The following PKD1 variants were observed in gnomAD, a reference collection of about 807,000 sequenced individuals.
PKD1 encodes polycystin-1.
Under a neutral mutation model 361.7 loss-of-function variants are expected in PKD1, and 81 were observed. That is an observed-to-expected ratio of 0.22 (90% CI 0.19 to 0.27). PKD1 has a LOEUF of 0.27. Among genes scored for constraint, PKD1 ranks in the 10% least tolerant of loss-of-function variants. PKD1 has a pLI of 1.00. For synonymous variants in PKD1, 3,615 were observed against 2,818.3 expected (o/e 1.28, Z -8.95); for missense variants, 6,399 against 6,118.3 (o/e 1.05, Z -1.53).
intron 1 of PKD1, chr16:2,123,326 C>G: frequency 2.9e-6 from 1 of 345,894 alleles, no homozygotes; most frequent in South Asian, 2.1e-5. Flanking sequence ...GTGCAGTCCC[C>G]CAGCCCCCAG....
chr16:2,106,100 G>A lies in PKD1; in HGVS notation c.7694C>T (p.Ala2565Val), dbSNP rs774163518. 1 of 1,605,528 alleles carries A rather than the reference G, an allele frequency of 6.2e-7. No homozygotes were observed. Among genetic ancestry groups the A allele is most frequent in the Non-Finnish European group, 8.5e-7 (1 of 1,176,484 alleles). ...CCACGGCCTGGCTCACCTGTTGAGG[G>A]CGACCACAGCGGCTCCCAGCTGGTC... ...VQDQLGAAVV[A>V]LNRSLAITLP... The change falls in exon 19 of 46, where the codon GCC becomes GTC. Residue 2565 changes from alanine (A) to valine (V), a missense_variant. Transcript: ENST00000262304. This position sits in a 1 kb window ranked among gnomAD's most constrained non-coding sequence, Gnocchi z 6.5.
chr16:2,102,954 C>T lies in PKD1; in HGVS notation c.8808G>A (p.Glu2936=), dbSNP rs1467917972. The part of the protein sequence containing the change: ...YTLLDGHYLS[E]EPEPYLAVYL... The stretch of plus-strand genomic sequence containing the variant: ...AGACTGCCAGGTAGGGCTCAGGTTC[C>T]TCAGACAGGTAGTGGCCTGGGGCAG... The change falls in exon 24 of 46, where the codon GAG becomes GAA. Residue 2936 remains glutamate, a synonymous_variant. Coordinates refer to ENST00000262304, the MANE Select transcript of PKD1 (RefSeq NM_001009944.3). 1.2e-6 allele frequency: 2 copies of T among 1,606,362 alleles called. No homozygotes were observed. Among genetic ancestry groups the T allele is most frequent in the South Asian group, 1.1e-5 (1 of 90,994 alleles).
Position 2,092,474 on chromosome 16 carries a change from G to A in PKD1, c.11269+6C>T, listed in dbSNP as rs1415153280. 14 of 1,578,798 alleles carry A rather than the reference G, an allele frequency of 8.9e-6. No individual in the cohort carries two copies. The highest frequency in any genetic ancestry group is 6.7e-5 in the Admixed American group (4 of 59,854). On this transcript the variant is annotated splice_donor_region_variant and intron_variant, in intron 39 of 45. Transcript: ENST00000262304. ...TTAAGTCTTGGGGCACGCCCTGCCAGCTCACCTTCCTGCAGCCGCACCTGC... is the reference window on the plus strand; with the variant it reads ...TTAAGTCTTGGGGCACGCCCTGCCAACTCACCTTCCTGCAGCCGCACCTGC...
chr16:2,125,821 C>G, intron 1 of PKD1, among the ~76,000 whole-genome samples: 1 of 152,118 alleles, frequency 6.6e-6, no homozygotes, highest in South Asian at 2.1e-4. Flanking sequence ...CCCTTGCATC[C>G]CTCTCCACTC....
At chr16:2,091,365 G>C (rs2091563115) in intron 42 of PKD1, 58 bp downstream of exon 42, 1 of 990,098 alleles carries the variant, frequency 1.0e-6, no homozygotes, top group Non-Finnish European at 1.2e-6. Context: ...GCGGGGCCCC[G>C]CGAGGGGGCG....
rs1175782890 is a variant in PKD1, at chr16:2,097,301, C to T, written c.10405+18G>A. The T allele has an allele frequency of 1.9e-6, 3 of 1,612,120 alleles. No individual in the cohort carries two copies. In the African/African-American group the frequency reaches 4.0e-5, roughly 22 times the overall value. ...GCAAGGGTGAGCTTCAGAGCCCCCTCCTCTCACCCCAGCTCACCTGATGCT... is the reference window on the plus strand; with the variant it reads ...GCAAGGGTGAGCTTCAGAGCCCCCTTCTCTCACCCCAGCTCACCTGATGCT... On this transcript the variant is annotated intron_variant, in intron 33 of 45. Coordinates refer to ENST00000262304, the MANE Select transcript of PKD1 (RefSeq NM_001009944.3).
At position 2,092,539 on chromosome 16, in the gene PKD1, C is replaced by T. The variant is rs535799831; in HGVS notation, c.11210G>A (p.Gly3737Glu). The change falls in exon 39 of 46, where the codon GGG becomes GAG. Residue 3737 changes from glycine (G) to glutamate (E), a missense_variant. Coordinates refer to ENST00000262304, the MANE Select transcript of PKD1 (RefSeq NM_001009944.3). ...MAHVLLPYVH[G>E]NQSSPELGPP... is the part of the protein sequence containing the mutation. ...CCCCAGCTCTGGGCTGGACTGGTTC[C>T]CGTGGACGTAGGGCAGCAGCACGTG... The T allele has an allele frequency of 6.2e-7, 1 of 1,612,724 alleles. No individual in the cohort carries two copies. Among genetic ancestry groups the T allele is most frequent in the Non-Finnish European group, 8.5e-7 (1 of 1,179,896 alleles).
intron 37 of PKD1, 108 bp downstream of exon 37, chr16:2,093,436 G>A: frequency 9.4e-7 from 1 of 1,064,878 alleles, no homozygotes; most frequent in Non-Finnish European, 1.4e-6. Flanking sequence ...GAACCCCTAA[G>A]GGCCTTCTGA....
chr16:2,114,991 G>A lies in PKD1; in HGVS notation c.2098-66C>T, dbSNP rs568692306. On this transcript the variant is annotated intron_variant, in intron 10 of 45. Coordinates refer to ENST00000262304, the MANE Select transcript of PKD1 (RefSeq NM_001009944.3). ...CATGGCCCGTGGACCCCCGCACGAC[G>A]GATGAGGGTGGACACGCAGGGCTCC... 61 of 1,516,570 alleles carry A rather than the reference G, an allele frequency of 4.0e-5. 1 individual carries two copies. The East Asian group carries it at 8.6e-4, about 21-fold the overall frequency. 93.9% of individuals were successfully genotyped at this position (1,516,570 alleles called of 1,614,324 possible).
At position 2,106,484 on chromosome 16, in the gene PKD1, T is replaced by A. The variant is rs1448288697; in HGVS notation, c.7403A>T (p.Asn2468Ile). Residue 2468 changes from asparagine (N) to isoleucine (I), a missense_variant, in exon 18 of 46, where the codon AAC becomes ATC. Transcript: ENST00000262304. The surrounding 1 kb of genome is among the most constrained non-coding windows in gnomAD (Gnocchi z 6.5). ...GCAAGAGCCCCCCAGCGGCGGGCGG[T>A]TGGGGGACAGGCGGATGGAGGCGCA... ...EGCASIRLSP[N>I]RPPLGGSCRL... 3 of 1,591,534 alleles carry A rather than the reference T, an allele frequency of 1.9e-6. No homozygotes were observed. The highest frequency in any genetic ancestry group is 2.6e-6 in the Non-Finnish European group (3 of 1,176,176).
At position 2,110,505 on chromosome 16, in the gene PKD1, A is replaced by T; in HGVS notation, c.4662T>A (p.Asn1554Lys). 1 of 1,612,172 alleles carries T rather than the reference A, an allele frequency of 6.2e-7. No homozygotes were observed. The highest frequency in any genetic ancestry group is 8.5e-7 in the Non-Finnish European group (1 of 1,179,814). ...VKRRVRGLVV[N>K]ASRTVVPLNG... Reference sequence around the variant, plus strand: ...TCAGGGGCACCACCGTGCGGCTTGCATTGACGACGAGCCCCCGCACGCGCC... The same window carrying T: ...TCAGGGGCACCACCGTGCGGCTTGCTTTGACGACGAGCCCCCGCACGCGCC... Residue 1554 changes from asparagine to lysine, a missense_variant, in exon 15 of 46, where the codon AAT becomes AAA. Asn to Lys is a moderately conservative substitution (Grantham distance 94). Coordinates refer to ENST00000262304, the MANE Select transcript of PKD1 (RefSeq NM_001009944.3).
chr16:2,125,230 G>A (rs2092780879), intron 1 of PKD1, among the ~76,000 whole-genome samples: 1 of 152,230 alleles, frequency 6.6e-6, no homozygotes, highest in Non-Finnish European at 1.5e-5. Flanking sequence ...TGCAGCCCCG[G>A]GCTGGGCAGA....
intron 1 of PKD1, chr16:2,120,383 C>T (rs2092702134): frequency 6.5e-6 from 1 of 153,258 alleles, no homozygotes; most frequent in African/African-American, 2.4e-5. Flanking sequence ...CAAAAATACC[C>T]TCCTGACACA....
intron 1 of PKD1, among the ~76,000 whole-genome samples, chr16:2,125,237 C>T (rs1035085726): frequency 2.6e-5 from 4 of 152,196 alleles, no homozygotes; most frequent in Admixed American, 1.3e-4. Flanking sequence ...CCGGGCTGGG[C>T]AGATGGCTGC....
chr16:2,123,843 T>A (rs189540086), intron 1 of PKD1, among the ~76,000 whole-genome samples: 2 of 152,288 alleles, frequency 1.3e-5, no homozygotes, highest in Non-Finnish European at 2.9e-5. Context: ...GACAGCCTGA[T>A]GGGTGCCCGA....
intron 34 of PKD1, among the ~76,000 whole-genome samples, 189 bp from the exon 35 acceptor site, chr16:2,094,399 C>G (rs34978797): frequency 0.057 from 8,740 of 152,258 alleles, 356 homozygotes; most frequent in Non-Finnish European, 0.077. Flanking sequence ...AAGAGCCACT[C>G]CAGGCACCGA....
rs982494165 is a variant in PKD1, at chr16:2,115,351, G to T, written c.2097+27C>A. ...GGAAGGTGGCCTGAGGAGATGCAGG[G>T]AACAGACCCAGGTCAGGGCCACACA... On this transcript the variant is annotated intron_variant, in intron 10 of 45. Transcript: ENST00000262304. 1.8e-5 allele frequency: 27 copies of T among 1,484,294 alleles called. No individual in the cohort carries two copies. In the African/African-American group the frequency reaches 2.1e-4, roughly 11 times the overall value. The allele number at this position is 1,484,294 out of a possible 1,614,324, so 91.9% of individuals were successfully genotyped here.
rs745376136 is a variant in PKD1, at chr16:2,100,438, G to A, written c.9526C>T (p.Leu3176=). 3 of 1,611,108 alleles carry A rather than the reference G, an allele frequency of 1.9e-6. No individual in the cohort carries two copies. The highest frequency in any genetic ancestry group is 2.5e-6 in the Non-Finnish European group (3 of 1,179,736). The change falls in exon 27 of 46, where the codon CTG becomes TTG. Residue 3176 remains leucine (L), a synonymous_variant. Transcript: ENST00000262304. The surrounding 1 kb of genome is among the most constrained non-coding windows in gnomAD (Gnocchi z 4.4). ...DIFRIATPHS[L]GSVWKIRVWH... ...ACTCGGATCTTCCACACGCTACCCA[G>A]GCTGTGCGGGGTGGCGATCCGGAAG...
chr16:2,092,304 C>T (rs2091629660), intron 39 of PKD1, 116 bp from the exon 40 acceptor site: 1 of 1,175,830 alleles, frequency 8.5e-7, no homozygotes, highest in Non-Finnish European at 1.2e-6. Flanking sequence ...GGAACCCTCC[C>T]AGCAGCCATC....
Sources: allele counts gnomAD v4.1 joint callset (sites outside exome capture counted in the v4.1 genomes callset), GRCh38; gene constraint gnomAD v4.1.1; non-coding constraint Gnocchi (gnomAD v3.1); transcripts MANE v1.5; gene names NCBI Gene and HGNC (gene_info 2026-07-23, HGNC 2026-07-21).